Variants in ATP10B observed in about 807,000 individuals in gnomAD.
ATP10B encodes the protein phospholipid-transporting ATPase VB.
A neutral mutation model predicts 141.2 loss-of-function variants in ATP10B; 122 were observed. The ratio of observed to expected loss-of-function variants is 0.86; its 90% confidence interval spans 0.75 to 1.00. The LOEUF (loss-of-function observed/expected upper bound fraction) is 1.00, where lower values mean the gene tolerates loss of function less well. ATP10B is among the 50% of genes least tolerant of loss of function. The pLI, the probability that ATP10B is intolerant of heterozygous loss-of-function variation, is 0.00. For synonymous variants in ATP10B, 685 were observed against 692.0 expected (o/e 0.99, Z 0.16); for missense variants, 1,876 against 1,825.3 (o/e 1.03, Z -0.51).
chr5:160,756,401 G>A (rs1026940190), intron 2 of ATP10B, among the ~76,000 whole-genome samples: 9 of 152,272 alleles, frequency 5.9e-5, no homozygotes, highest in African/African-American at 2.2e-4. Context: ...GGAGGGCAAT[G>A]GCTTGGTTGA....
chr5:160,844,002 A>G (rs1775967654), intron 1 of ATP10B, among the ~76,000 whole-genome samples: 1 of 152,154 alleles, frequency 6.6e-6, no homozygotes, highest in African/African-American at 2.4e-5. Context: ...AGCTTTACAA[A>G]GTACAAAAAT....
At chr5:160,716,400 T>C (rs1196845512) in intron 3 of ATP10B, among the ~76,000 whole-genome samples, 2 of 152,160 alleles carry the variant, frequency 1.3e-5, no homozygotes, top group Non-Finnish European at 2.9e-5. Context: ...GCATCCCCAT[T>C]TTACAGATGA....
rs917874861 is a variant in ATP10B, at chr5:160,589,408, A to T, written c.3750+184T>A. 3.9e-5 allele frequency among the ~76,000 whole-genome samples: 6 copies of T among 152,250 alleles called. No homozygotes were observed. The East Asian group carries it at 1.2e-3, about 29-fold the overall frequency. On this transcript the variant is annotated intron_variant, in intron 24 of 25. Coordinates refer to ENST00000327245, the MANE Select transcript of ATP10B (RefSeq NM_025153.3). The stretch of plus-strand genomic sequence containing the variant: ...TTAACATCCTGGCTAGATGAAAAGC[A>T]AGTTGATTCCAGAATTTTATCTTTT...
chr5:160,795,508 ATAGGGG>A (rs1342420645), intron 1 of ATP10B, among the ~76,000 whole-genome samples: 1 of 152,108 alleles, frequency 6.6e-6, no homozygotes, highest in Non-Finnish European at 1.5e-5. Context: ...GTCACAATGA[ATAGGGG>A]TGAGAATAGT....
At chr5:160,811,192 A>G (rs566690039) in intron 1 of ATP10B, among the ~76,000 whole-genome samples, 8 of 152,310 alleles carry the variant, frequency 5.3e-5, no homozygotes, top group Admixed American at 1.3e-4. Flanking sequence ...GTAGTATGCA[A>G]TGAACCTTGG....
chr5:160,600,421 A>C (rs533642990), intron 21 of ATP10B, among the ~76,000 whole-genome samples: 1 of 152,310 alleles, frequency 6.6e-6, no homozygotes, highest in South Asian at 2.1e-4. Flanking sequence ...GCAAAGCTGA[A>C]ATATTTATTA....
Position 160,589,616 on chromosome 5 carries a change from G to C in ATP10B, c.3726C>G (p.His1242Gln). The C allele has an allele frequency of 1.9e-6, 3 of 1,613,996 alleles. No individual in the cohort carries two copies. Among genetic ancestry groups the C allele is most frequent in the Middle Eastern group, 1.7e-4 (1 of 6,008 alleles). Residue 1242 changes from histidine to glutamine, a missense_variant, in exon 24 of 26, where the codon CAC (histidine) becomes CAG (glutamine). Transcript: ENST00000327245. ...CCCATGTCTTCATTTCCATTGCCTG[G>C]TGCAAAAGGATTGTGGTGAGGGAGA... ...NTISLTTILL[H>Q]QAMEMKTWTI... is the part of the protein sequence containing the mutation.
chr5:160,880,458 A>G, the ATP10B span, among the ~76,000 whole-genome samples: 1 of 152,076 alleles, frequency 6.6e-6, no homozygotes, highest in Admixed American at 6.5e-5. Flanking sequence ...TTACGTGGAG[A>G]GGAAACAGAT....
chr5:160,628,609 A>G (rs1027580989), intron 13 of ATP10B, among the ~76,000 whole-genome samples: 1 of 152,086 alleles, frequency 6.6e-6, no homozygotes, highest in South Asian at 2.1e-4. Flanking sequence ...GGCGGGGGGG[A>G]TGTCCACAAA....
chr5:160,648,770 T>C (rs1760476143), intron 8 of ATP10B, among the ~76,000 whole-genome samples: 1 of 152,140 alleles, frequency 6.6e-6, no homozygotes, highest in African/African-American at 2.4e-5. Flanking sequence ...AGCTTGTAAT[T>C]TGCAGAACCC....
intron 1 of ATP10B, among the ~76,000 whole-genome samples, chr5:160,787,230 A>C (rs758944184): frequency 4.7e-4 from 72 of 152,214 alleles, no homozygotes; most frequent in Non-Finnish European, 7.8e-4. Context: ...AAATTCCAAA[A>C]GGCTGTCAAC....
chr5:160,759,709 A>G (rs572300594), intron 2 of ATP10B, among the ~76,000 whole-genome samples: 23 of 152,230 alleles, frequency 1.5e-4, no homozygotes, highest in Non-Finnish European at 3.1e-4. Context: ...TGCTCCCTCC[A>G]AGCATGCCTT....
intron 2 of ATP10B, among the ~76,000 whole-genome samples, chr5:160,730,166 A>G (rs1766641567): frequency 6.6e-6 from 1 of 151,904 alleles, no homozygotes; most frequent in East Asian, 1.9e-4. Context: ...GACAAAGCCC[A>G]CAGTGAGTTT....
chr5:160,781,184 T>C (rs753191928), intron 2 of ATP10B, among the ~76,000 whole-genome samples: 4 of 152,196 alleles, frequency 2.6e-5, no homozygotes, highest in Non-Finnish European at 5.9e-5. Context: ...AACATGCATA[T>C]GAAATACATG....
chr5:160,764,752 T>C (rs10073325), intron 2 of ATP10B, among the ~76,000 whole-genome samples: 2,194 of 152,252 alleles, frequency 0.014, 46 homozygotes, highest in African/African-American at 0.05. Context: ...GGCATCCACA[T>C]TGACAAAGAG....
At chr5:160,848,637 T>C (rs1337854406) in intron 1 of ATP10B, among the ~76,000 whole-genome samples, 1 of 152,172 alleles carries the variant, frequency 6.6e-6, no homozygotes, top group Non-Finnish European at 1.5e-5. Flanking sequence ...AAGAAAACTA[T>C]TGCTGAGTTT....
intron 2 of ATP10B, among the ~76,000 whole-genome samples, chr5:160,785,001 G>A (rs1360431480): frequency 6.6e-6 from 1 of 152,118 alleles, no homozygotes; most frequent in Non-Finnish European, 1.5e-5. Flanking sequence ...AACCAATCAT[G>A]GTGGTTCCAT....
chr5:160,845,505 C>A (rs1776065756), intron 1 of ATP10B, among the ~76,000 whole-genome samples: 1 of 152,118 alleles, frequency 6.6e-6, no homozygotes, highest in Non-Finnish European at 1.5e-5. Context: ...TAGCTACATA[C>A]AAAGTGTTCA....
chr5:160,685,171 C>T (rs1002341105), intron 6 of ATP10B: 3 of 643,068 alleles, frequency 4.7e-6, no homozygotes, highest in Non-Finnish European at 8.4e-6. Flanking sequence ...GACCACTACT[C>T]GCTTCTTGTC....
Sources: allele counts gnomAD v4.1 joint callset (sites outside exome capture counted in the v4.1 genomes callset), GRCh38; gene constraint gnomAD v4.1.1; transcripts MANE v1.5; gene names NCBI Gene and HGNC (gene_info 2026-07-23, HGNC 2026-07-21).